C9orf85: variants seen among roughly 807,000 people sequenced by gnomAD.
The protein encoded by C9orf85 is chromosome 9 open reading frame 85.
A neutral mutation model predicts 14.9 loss-of-function variants in C9orf85; 16 were observed. That is an observed-to-expected ratio of 1.08 (90% CI 0.73 to 1.63). The LOEUF (loss-of-function observed/expected upper bound fraction) is 1.63, where lower values mean the gene tolerates loss of function less well. Among genes scored for constraint, C9orf85 ranks in the 40% most tolerant of loss-of-function variants. The pLI is 0.00. For synonymous variants in C9orf85, 45 were observed against 56.8 expected (o/e 0.79, Z 0.93); for missense variants, 172 against 186.1 (o/e 0.92, Z 0.44).
chr9:71,920,448 A>G (rs1409990710), intron 1 of C9orf85, among the ~76,000 whole-genome samples: 3 of 152,228 alleles, frequency 2.0e-5, no homozygotes, highest in Non-Finnish European at 4.4e-5. Flanking sequence ...CATTAATCTA[A>G]AAGAAAGTTG....
intron 1 of C9orf85, among the ~76,000 whole-genome samples, chr9:71,928,233 A>C (rs1051472895): frequency 4.7e-5 from 7 of 150,198 alleles, no homozygotes; most frequent in South Asian, 2.1e-4. Context: ...GCTTATGTGA[A>C]TATCTGCACG....
intron 1 of C9orf85, among the ~76,000 whole-genome samples, chr9:71,932,837 G>A (rs557202380): frequency 2.6e-5 from 4 of 152,176 alleles, no homozygotes; most frequent in South Asian, 4.1e-4. Context: ...ATAGCTGTCC[G>A]AAAGATACTC....
chr9:71,980,116 C>T (rs1007458845), intron 3 of C9orf85, among the ~76,000 whole-genome samples: 1 of 151,192 alleles, frequency 6.6e-6, no homozygotes, highest in African/African-American at 2.4e-5. Flanking sequence ...CGGGTTCAAG[C>T]GATTCTCCTG....
chr9:71,921,622 T>A (rs770214163), intron 1 of C9orf85, among the ~76,000 whole-genome samples: 10 of 152,246 alleles, frequency 6.6e-5, no homozygotes, highest in Non-Finnish European at 1.5e-4. Flanking sequence ...CCAGCCCATC[T>A]TGGGTACTTG....
At chr9:71,928,186 C>CAAAAAAAAAAAA (rs58238164) in intron 1 of C9orf85, among the ~76,000 whole-genome samples, 14 of 74,284 alleles carry the variant, frequency 1.9e-4, no homozygotes, top group African/African-American at 7.3e-4. Flanking sequence ...GGCTCTGTCT[C>CAAAAAAAAAAAA]AAAAAAAAAA....
At chr9:71,918,352 A>G in intron 1 of C9orf85, 1 of 857,448 alleles carries the variant, frequency 1.2e-6, no homozygotes, top group Non-Finnish European at 1.7e-6. Flanking sequence ...ACATTCTAAC[A>G]GATATTGAAT....
At chr9:71,925,784 CAAAA>C (rs1278973874) in intron 1 of C9orf85, among the ~76,000 whole-genome samples, 1 of 151,706 alleles carries the variant, frequency 6.6e-6, no homozygotes, top group Non-Finnish European at 1.5e-5. Flanking sequence ...AGCAGTTAAA[CAAAA>C]AAGCAAAATA....
chr9:71,917,686 A>C (rs563536373), intron 1 of C9orf85, among the ~76,000 whole-genome samples: 2 of 152,364 alleles, frequency 1.3e-5, no homozygotes. Flanking sequence ...ATGTGGAGGG[A>C]AACAAACCAG....
At chr9:71,963,557 A>C (rs112898093) in intron 2 of C9orf85, among the ~76,000 whole-genome samples, 20 of 152,264 alleles carry the variant, frequency 1.3e-4, no homozygotes, top group African/African-American at 3.9e-4. Flanking sequence ...CGTGAGCGGG[A>C]ACCCGGGCTG....
At chr9:71,966,208 A>G (rs772768459) in intron 2 of C9orf85, among the ~76,000 whole-genome samples, 5 of 152,322 alleles carry the variant, frequency 3.3e-5, no homozygotes, top group Admixed American at 6.5e-5. Context: ...TGTTCTGACC[A>G]TGAGGCATGC....
At chr9:71,970,826 A>T (rs997844930) in intron 2 of C9orf85, among the ~76,000 whole-genome samples, 1 of 96,222 alleles carries the variant, frequency 1.0e-5, no homozygotes, top group Admixed American at 1.8e-4. Context: ...CTCAATATTA[A>T]GTCTTTTTTT....
downstream of C9orf85, among the ~76,000 whole-genome samples, chr9:71,975,355 C>T (rs1822980209): frequency 1.3e-5 from 2 of 150,998 alleles, no homozygotes; most frequent in South Asian, 4.2e-4. Context: ...GCAGGAGAAT[C>T]GCTTGAACCC....
At chr9:71,961,154 C>T (rs137987521) in intron 2 of C9orf85, among the ~76,000 whole-genome samples, 25 of 152,048 alleles carry the variant, frequency 1.6e-4, no homozygotes, top group Admixed American at 5.2e-4. Flanking sequence ...TCAGGTGATC[C>T]GCCCACCTCG....
chr9:71,912,214 A>AT (rs879724968), intron 1 of C9orf85, among the ~76,000 whole-genome samples: 30 of 151,592 alleles, frequency 2.0e-4, no homozygotes, highest in East Asian at 1.4e-3. Flanking sequence ...TGCAGCTACG[A>AT]TTTTTTTTTC....
intron 1 of C9orf85, among the ~76,000 whole-genome samples, chr9:71,912,170 A>C (rs575558833): frequency 6.6e-6 from 1 of 152,152 alleles, no homozygotes; most frequent in South Asian, 2.1e-4. Flanking sequence ...GGATTGTGGC[A>C]TGAGTGGCTT....
At chr9:71,948,813 G>GGC (rs1822167837) in intron 2 of C9orf85, among the ~76,000 whole-genome samples, 1 of 75,836 alleles carries the variant, frequency 1.3e-5, no homozygotes, top group African/African-American at 4.9e-5. Flanking sequence ...CGTGAGCCAC[G>GGC]CCCCCCCCCC....
intron 2 of C9orf85, among the ~76,000 whole-genome samples, chr9:71,964,439 G>A (rs1249764929): frequency 6.6e-6 from 1 of 151,984 alleles, no homozygotes; most frequent in East Asian, 1.9e-4. Flanking sequence ...AACACTCACC[G>A]CAAAGGTCTA....
chr9:71,960,208 G>A (rs924478749), intron 2 of C9orf85, among the ~76,000 whole-genome samples: 1 of 152,204 alleles, frequency 6.6e-6, no homozygotes, highest in Non-Finnish European at 1.5e-5. Flanking sequence ...ACCCTGTGAG[G>A]AGGGACCAGG....
chr9:71,968,518 G>A (rs1822762941), intron 2 of C9orf85, among the ~76,000 whole-genome samples: 1 of 151,574 alleles, frequency 6.6e-6, no homozygotes, highest in African/African-American at 2.4e-5. Context: ...AGTGAGTTTT[G>A]ATATTCTTTC....
Sources: gnomAD v4.1 joint callset for allele counts (sites outside exome capture counted in the v4.1 genomes callset) on GRCh38, gnomAD v4.1.1 for gene constraint, MANE v1.5 for transcripts, NCBI Gene and HGNC (gene_info 2026-07-23, HGNC 2026-07-21) for gene names.